PCM1: variants seen among roughly 807,000 people sequenced by gnomAD.
The protein encoded by PCM1 is pericentriolar material 1.
A neutral mutation model predicts 241.9 loss-of-function variants in PCM1; 157 were observed. The ratio of observed to expected loss-of-function variants is 0.65; its 90% CI spans 0.57 to 0.74. The LOEUF is 0.74. PCM1 is among the 30% of genes least tolerant of loss of function. The pLI, the probability that PCM1 is intolerant of heterozygous loss-of-function variation, is 0.00. For synonymous variants in PCM1, 1,085 were observed against 784.9 expected (o/e 1.38, Z -6.39); for missense variants, 3,478 against 2,360.1 (o/e 1.47, Z -9.81).
At chr8:17,962,274 G>A in intron 16 of PCM1, 100 bp downstream of exon 16, 1 of 994,264 alleles carries the variant, frequency 1.0e-6, no homozygotes, top group Non-Finnish European at 1.4e-6. Flanking sequence ...GAATATCCTT[G>A]AAACATGTTT....
chr8:18,019,059 T>TGA (rs2093546526), intron 36 of PCM1, among the ~76,000 whole-genome samples: 1 of 151,858 alleles, frequency 6.6e-6, no homozygotes, highest in Non-Finnish European at 1.5e-5. Flanking sequence ...GTTCACAGTG[T>TGA]AATCTTTCTT....
intron 34 of PCM1, chr8:18,013,742 A>G (rs2092801709): frequency 8.4e-6 from 4 of 478,666 alleles, no homozygotes; most frequent in Non-Finnish European, 1.5e-5. Context: ...TTCCAGTTGT[A>G]TTATACTGTG....
intron 2 of PCM1, among the ~76,000 whole-genome samples, chr8:17,931,946 C>G (rs1001249153): frequency 6.6e-6 from 1 of 152,036 alleles, no homozygotes; most frequent in Non-Finnish European, 1.5e-5. Context: ...GAAGAAAAAT[C>G]ACCAGTGCCT....
At chr8:17,995,257 AC>A (rs1247253788) in intron 29 of PCM1, among the ~76,000 whole-genome samples, 1 of 151,294 alleles carries the variant, frequency 6.6e-6, no homozygotes, top group Non-Finnish European at 1.5e-5. Flanking sequence ...ATATCCAGTT[AC>A]CCCAGCACCA....
chr8:17,929,954 G>C (rs1196704411), intron 2 of PCM1, among the ~76,000 whole-genome samples: 1 of 152,106 alleles, frequency 6.6e-6, no homozygotes. Context: ...TCCTGACCAT[G>C]GTTGACTATG....
chr8:18,006,140 C>G (rs1454839843), intron 29 of PCM1, 123 bp from the exon 30 acceptor site: 5 of 738,736 alleles, frequency 6.8e-6, no homozygotes, highest in African/African-American at 1.8e-5. Context: ...AAACAGACAT[C>G]TGAAAATTGA....
intron 2 of PCM1, among the ~76,000 whole-genome samples, chr8:17,928,471 G>T (rs889741586): frequency 6.6e-6 from 1 of 151,482 alleles, no homozygotes; most frequent in Non-Finnish European, 1.5e-5. Flanking sequence ...TCCTTTCTTG[G>T]TTTTTTTCAA....
chr8:17,986,419 A>G (rs1456907211), intron 26 of PCM1, among the ~76,000 whole-genome samples: 1 of 151,254 alleles, frequency 6.6e-6, no homozygotes, highest in East Asian at 1.9e-4. Flanking sequence ...TAAAACAGGT[A>G]TCAGATTACA....
chr8:17,943,142 C>A (rs576981565), intron 6 of PCM1, among the ~76,000 whole-genome samples: 1 of 150,806 alleles, frequency 6.6e-6, no homozygotes, highest in Non-Finnish European at 1.5e-5. Context: ...CCTAGGACTA[C>A]ACTTTCCCAT....
intron 36 of PCM1, chr8:18,025,127 C>G (rs1032361647): frequency 5.9e-6 from 2 of 341,018 alleles, no homozygotes; most frequent in African/African-American, 5.0e-5. Flanking sequence ...TGAACTGCCC[C>G]CCTGCCTTTT....
chr8:17,985,816 T>C, intron 25 of PCM1, 143 bp from the exon 26 acceptor site: 1 of 725,522 alleles, frequency 1.4e-6, no homozygotes, highest in African/African-American at 1.8e-5. Context: ...TTTCAGTGTT[T>C]TGTCTACTTC....
intron 2 of PCM1, among the ~76,000 whole-genome samples, chr8:17,932,736 A>C (rs1469755439): frequency 6.6e-6 from 1 of 152,006 alleles, no homozygotes; most frequent in Non-Finnish European, 1.5e-5. Flanking sequence ...TTTGTGTTCT[A>C]AATTTAGTAA....
Position 17,938,814 on chromosome 8 carries a change from G to A in PCM1, c.417G>A (p.Lys139=), listed in dbSNP as rs1448812309. The A allele has an allele frequency of 6.2e-7, 1 of 1,613,294 alleles. No individual in the cohort carries two copies. The highest frequency in any genetic ancestry group is 8.5e-7 in the Non-Finnish European group (1 of 1,179,240). Residue 139 remains lysine, a synonymous_variant, in exon 5 of 39, where the codon AAG becomes AAA. Transcript: ENST00000325083. Reference sequence around the variant, plus strand: ...AACGTCAGCTTAGTGAAAACCGAAAGCCCTTCAACTTTTTGCCTATGCAGA... The same window carrying A: ...AACGTCAGCTTAGTGAAAACCGAAAACCCTTCAACTTTTTGCCTATGCAGA... ...NNKRQLSENR[K]PFNFLPMQIN... is the part of the protein sequence containing the mutation.
intron 34 of PCM1, 135 bp from the exon 35 acceptor site, chr8:18,013,829 A>G (rs2092813691): frequency 1.6e-6 from 1 of 612,736 alleles, no homozygotes; most frequent in Non-Finnish European, 2.9e-6. Flanking sequence ...GCCTCCTTGA[A>G]ATAGTTTTAG....
At chr8:17,938,645 C>A in intron 4 of PCM1, 95 bp from the exon 5 acceptor site, 1 of 819,866 alleles carries the variant, frequency 1.2e-6, no homozygotes, top group Non-Finnish European at 2.0e-6. Flanking sequence ...CCTTCTGAAT[C>A]AATATCTGAT....
At chr8:17,936,682 C>A (rs1276281253) in intron 3 of PCM1, among the ~76,000 whole-genome samples, 1 of 152,138 alleles carries the variant, frequency 6.6e-6, no homozygotes, top group African/African-American at 2.4e-5. Flanking sequence ...CCTAGGGTCA[C>A]ACAGTGGAGT....
At chr8:18,027,142 G>A (rs548977172) in intron 38 of PCM1, among the ~76,000 whole-genome samples, 45 of 152,226 alleles carry the variant, frequency 3.0e-4, no homozygotes, top group African/African-American at 1.1e-3. Context: ...ATGGAGTTGA[G>A]GAGAAGGAAA....
intron 8 of PCM1, among the ~76,000 whole-genome samples, chr8:17,952,294 G>T (rs1036219154): frequency 6.6e-6 from 1 of 152,082 alleles, no homozygotes; most frequent in Non-Finnish European, 1.5e-5. Context: ...GGGAAAAATT[G>T]ATAGGTTAAG....
In PCM1 at chr8:17,957,392, T is replaced by A; in HGVS notation, c.1775T>A (p.Ile592Lys). The change falls in exon 12 of 39, where the codon ATA (isoleucine) becomes AAA (lysine). Residue 592 changes from isoleucine to lysine, a missense_variant. By Grantham distance (102) the Ile-to-Lys change is moderately radical. Transcript: ENST00000325083. ...ATTAACAACAGATCTGCTGCCAACA[T>A]AAGGGCTCTAAACATGCCTCCTTCT... ...CEINNRSAAN[I>K]RALNMPPSLD... is the part of the protein sequence containing the mutation. 1.2e-6 allele frequency: 2 copies of A among 1,612,748 alleles called. No individual in the cohort carries two copies. The highest frequency in any genetic ancestry group is 1.7e-6 in the Non-Finnish European group (2 of 1,179,080).
Sources: allele counts gnomAD v4.1 joint callset (sites outside exome capture counted in the v4.1 genomes callset), GRCh38; gene constraint gnomAD v4.1.1; transcripts MANE v1.5; gene names NCBI Gene and HGNC (gene_info 2026-07-23, HGNC 2026-07-21).